The following CAST variants were observed in gnomAD, a reference collection of about 807,000 sequenced individuals.
The protein encoded by CAST is MIR583 host.
In CAST, 76 loss-of-function variants were observed where a neutral mutation model predicts 119.6. The ratio of observed to expected loss-of-function variants is 0.64; its 90% CI spans 0.53 to 0.77. CAST has a LOEUF of 0.77. CAST is among the 30% of genes least tolerant of loss of function. CAST has a pLI of 0.00. For synonymous variants in CAST, 319 were observed against 331.6 expected (o/e 0.96, Z 0.41); for missense variants, 953 against 946.5 (o/e 1.01, Z -0.09).
intron 1 of CAST, among the ~76,000 whole-genome samples, chr5:96,645,866 T>A (rs1363321618): frequency 2.0e-5 from 3 of 151,022 alleles, no homozygotes; most frequent in Admixed American, 6.6e-5. Context: ...ATTAAAATTT[T>A]AAAAATATGT....
At chr5:96,095,395 C>G in the CAST span, among the ~76,000 whole-genome samples, 1 of 151,354 alleles carries the variant, frequency 6.6e-6, no homozygotes, top group South Asian at 2.1e-4. Flanking sequence ...CATAGAGACA[C>G]CCCTGTTTCT....
At chr5:96,632,194 C>T (rs1747830019) in intron 1 of CAST, among the ~76,000 whole-genome samples, 1 of 151,494 alleles carries the variant, frequency 6.6e-6, no homozygotes, top group Non-Finnish European at 1.5e-5. Context: ...ATTGGGTTGT[C>T]TTTCTGTTTT....
chr5:96,700,325 T>C (rs1753730663), intron 3 of CAST, among the ~76,000 whole-genome samples: 1 of 152,228 alleles, frequency 6.6e-6, no homozygotes, highest in South Asian at 2.1e-4. Context: ...GAATTTAAGG[T>C]TAAAGTAAAT....
At chr5:96,293,406 T>C in the CAST span, among the ~76,000 whole-genome samples, 1 of 151,980 alleles carries the variant, frequency 6.6e-6, no homozygotes, top group East Asian at 1.9e-4. Context: ...GCCTCCCGAG[T>C]AGCTGGGATT....
At chr5:96,340,221 G>C in the CAST span, among the ~76,000 whole-genome samples, 985 of 152,280 alleles carry the variant, frequency 6.5e-3, 15 homozygotes, top group African/African-American at 0.022. Flanking sequence ...TGTCTTCCCA[G>C]GATCTGGAAC....
intron 30 of CAST, among the ~76,000 whole-genome samples, chr5:96,771,248 A>T (rs1467616625): frequency 6.6e-6 from 1 of 152,186 alleles, no homozygotes; most frequent in Non-Finnish European, 1.5e-5. Context: ...GTACTTAATC[A>T]GCCCTTTAAC....
chr5:96,269,374 G>A, the CAST span, among the ~76,000 whole-genome samples: 3 of 152,124 alleles, frequency 2.0e-5, no homozygotes, highest in Middle Eastern at 3.4e-3. Context: ...TAGGGGATTC[G>A]ACATCCTACT....
At chr5:96,171,417 A>G in the CAST span, among the ~76,000 whole-genome samples, 1 of 152,136 alleles carries the variant, frequency 6.6e-6, no homozygotes, top group Non-Finnish European at 1.5e-5. Context: ...CAGAGAAAAG[A>G]GAGGGTAGAG....
the CAST span, chr5:96,393,515 G>A: frequency 5.9e-6 from 6 of 1,019,226 alleles, no homozygotes; most frequent in African/African-American, 1.6e-5. Flanking sequence ...TCAAGACTGG[G>A]AGCCACATGG....
At chr5:96,121,911 CA>C in the CAST span, among the ~76,000 whole-genome samples, 1 of 150,664 alleles carries the variant, frequency 6.6e-6, no homozygotes, top group African/African-American at 2.4e-5. Flanking sequence ...GGTATTGTGA[CA>C]AAAAAACAAA....
the CAST span, among the ~76,000 whole-genome samples, chr5:95,971,152 G>T: frequency 6.6e-6 from 1 of 152,310 alleles, no homozygotes; most frequent in Admixed American, 6.5e-5. Context: ...CATAGAGGAA[G>T]AAGTCTTTCC....
At chr5:96,361,695 G>T in the CAST span, among the ~76,000 whole-genome samples, 3,966 of 151,272 alleles carry the variant, frequency 0.026, 187 homozygotes, top group African/African-American at 0.09. Context: ...AGGTGACCCA[G>T]GTACCTCAGT....
At chr5:96,618,541 G>A (rs185367024) in intron 1 of CAST, among the ~76,000 whole-genome samples, 130 of 152,356 alleles carry the variant, frequency 8.5e-4, no homozygotes, top group Middle Eastern at 3.4e-3. Context: ...CCGGGGCTGC[G>A]CATGGCGCTC....
the CAST span, among the ~76,000 whole-genome samples, chr5:96,240,212 A>G: frequency 3.3e-5 from 5 of 152,146 alleles, no homozygotes; most frequent in African/African-American, 4.8e-5. Flanking sequence ...CTTGATATCT[A>G]TCCACAAACT....
the CAST span, among the ~76,000 whole-genome samples, chr5:95,967,042 G>A: frequency 4.6e-3 from 708 of 152,290 alleles, 8 homozygotes; most frequent in Non-Finnish European, 5.1e-3. Flanking sequence ...GCTCTGAAAA[G>A]GAGAAGAGTG....
chr5:96,704,368 A>G (rs1215181616), intron 3 of CAST, among the ~76,000 whole-genome samples: 1 of 152,244 alleles, frequency 6.6e-6, no homozygotes, highest in Non-Finnish European at 1.5e-5. Flanking sequence ...CTGTACTGCA[A>G]TGAAAACATA....
the CAST span, among the ~76,000 whole-genome samples, chr5:96,150,015 T>C: frequency 6.6e-6 from 1 of 152,186 alleles, no homozygotes; most frequent in African/African-American, 2.4e-5. Context: ...TATTGTATAT[T>C]TGTTATCTCA....
chr5:96,650,931 G>C (rs1748086893), intron 1 of CAST, among the ~76,000 whole-genome samples: 1 of 152,140 alleles, frequency 6.6e-6, no homozygotes, highest in South Asian at 2.1e-4. Context: ...TTGGAAATTT[G>C]CTTTCCAATC....
At chr5:96,611,427 C>T (rs1747359196) in intron 1 of CAST, among the ~76,000 whole-genome samples, 1 of 152,102 alleles carries the variant, frequency 6.6e-6, no homozygotes, top group South Asian at 2.1e-4. Context: ...TAAAACTGGA[C>T]CCCTACCTCT....
Sources: gnomAD v4.1 joint callset for allele counts (sites outside exome capture counted in the v4.1 genomes callset) on GRCh38, gnomAD v4.1.1 for gene constraint, MANE v1.5 for transcripts, NCBI Gene and HGNC (gene_info 2026-07-23, HGNC 2026-07-21) for gene names.